SENP6: variants seen among roughly 807,000 people sequenced by gnomAD.
SENP6 encodes SUMO specific peptidase 6, also known as sentrin-specific protease 6.
SENP6 carries 41 observed loss-of-function variants against 134.5 expected under a neutral mutation model. The ratio of observed to expected loss-of-function variants is 0.30; its 90% CI spans 0.24 to 0.40. SENP6 has a LOEUF of 0.40. SENP6 is among the 10% of genes least tolerant of loss of function. SENP6 has a pLI of 1.00. For missense variants in SENP6, 1,248 were observed against 1,312.5 expected, an observed-to-expected ratio of 0.95 and a Z score of 0.76; for synonymous variants, 395 against 429.8, an observed-to-expected ratio of 0.92 and a Z score of 1.00.
intron 16 of SENP6, among the ~76,000 whole-genome samples, chr6:75,686,951 A>C (rs983292177): frequency 1.3e-5 from 2 of 152,174 alleles, no homozygotes; most frequent in African/African-American, 4.8e-5. Flanking sequence ...CTGCCTTGCT[A>C]GGCTGGGGAA....
chr6:75,667,823 A>C (rs964862821), intron 10 of SENP6, among the ~76,000 whole-genome samples: 1 of 152,218 alleles, frequency 6.6e-6, no homozygotes, highest in Non-Finnish European at 1.5e-5. Flanking sequence ...TGAAAAAGTT[A>C]AGGTATATCC....
At chr6:75,673,897 C>T (rs1180832367) in intron 11 of SENP6, among the ~76,000 whole-genome samples, 1 of 151,422 alleles carries the variant, frequency 6.6e-6, no homozygotes, top group Non-Finnish European at 1.5e-5. Flanking sequence ...GGCGTGCACC[C>T]GTAACCCCAG....
intron 1 of SENP6, 132 bp from the exon 2 acceptor site, chr6:75,621,400 A>G (rs1768257858): frequency 5.1e-6 from 3 of 593,710 alleles, no homozygotes; most frequent in Non-Finnish European, 9.0e-6. Flanking sequence ...TCAAATGTTT[A>G]CAAAAAATAG....
chr6:75,610,193 T>C (rs1327536406), intron 1 of SENP6, among the ~76,000 whole-genome samples: 1 of 152,226 alleles, frequency 6.6e-6, no homozygotes, highest in African/African-American at 2.4e-5. Flanking sequence ...TTCCTTCCTT[T>C]TGTTTTTTCT....
intron 16 of SENP6, chr6:75,679,156 A>G (rs1415018373): frequency 1.3e-5 from 5 of 371,470 alleles, no homozygotes; most frequent in African/African-American, 4.3e-5. Context: ...GCTTATGTCT[A>G]TAATCCTGAC....
intron 19 of SENP6, among the ~76,000 whole-genome samples, chr6:75,704,730 A>G (rs965557195): frequency 1.6e-4 from 24 of 152,182 alleles, no homozygotes; most frequent in Non-Finnish European, 2.1e-4. Flanking sequence ...TCACATGGGG[A>G]GAAACCTTGG....
Position 75,663,376 on chromosome 6 carries a change from A to G in SENP6, c.852A>G (p.Pro284=). The part of the protein sequence containing the change: ...KFYGNNVEKV[P]IDIIVNCDDS... ...ATGGCAACAATGTGGAAAAGGTTCC[A>G]ATTGATATTATTGTGAATTGTGATG... Residue 284 remains proline, a synonymous_variant, in exon 9 of 24, where the codon CCA becomes CCG. Transcript: ENST00000447266. 1 of 1,613,826 alleles carries G rather than the reference A, an allele frequency of 6.2e-7. No individual in the cohort carries two copies. The highest frequency in any genetic ancestry group is 8.5e-7 in the Non-Finnish European group (1 of 1,179,858).
intron 19 of SENP6, among the ~76,000 whole-genome samples, chr6:75,705,925 C>CGTTTTTTTTTT (rs1775371821): frequency 2.1e-5 from 1 of 47,942 alleles, no homozygotes; most frequent in African/African-American, 1.1e-4. Flanking sequence ...ATTTTTGAGC[C>CGTTTTTTTTTT]TTTTTTTTTT....
intron 17 of SENP6, among the ~76,000 whole-genome samples, chr6:75,696,143 AT>A (rs1199389929): frequency 4.6e-5 from 7 of 152,138 alleles, no homozygotes; most frequent in African/African-American, 1.2e-4. Flanking sequence ...TAGTTTTGGA[AT>A]TTTTTTTAAC....
At chr6:75,606,291 A>G (rs1347631425) in intron 1 of SENP6, among the ~76,000 whole-genome samples, 2 of 152,208 alleles carry the variant, frequency 1.3e-5, no homozygotes, top group Admixed American at 1.3e-4. Flanking sequence ...GATTTCATTA[A>G]GCCACAGCTT....
intron 5 of SENP6, among the ~76,000 whole-genome samples, chr6:75,637,798 G>A (rs1365186874): frequency 1.3e-5 from 2 of 152,114 alleles, no homozygotes; most frequent in Non-Finnish European, 2.9e-5. Flanking sequence ...TTCATAAATA[G>A]GAATATGGGC....
chr6:75,700,118 C>T (rs1774931101), intron 18 of SENP6, among the ~76,000 whole-genome samples: 1 of 151,954 alleles, frequency 6.6e-6, no homozygotes, highest in Non-Finnish European at 1.5e-5. Context: ...GCTGTGTTGC[C>T]CAGACTGGTC....
intron 7 of SENP6, among the ~76,000 whole-genome samples, chr6:75,648,041 C>A (rs1258311320): frequency 6.6e-6 from 1 of 152,134 alleles, no homozygotes; most frequent in Non-Finnish European, 1.5e-5. Flanking sequence ...TGCTATGTTA[C>A]AAATTTGCAA....
At chr6:75,611,858 A>G (rs1767475605) in intron 1 of SENP6, 1 of 152,206 alleles carries the variant, frequency 6.6e-6, no homozygotes, top group Non-Finnish European at 1.5e-5. Context: ...CTATGCTATC[A>G]TCTTGCTGAA....
chr6:75,634,599 T>C (rs1769360937), intron 4 of SENP6, 108 bp from the exon 5 acceptor site: 4 of 563,364 alleles, frequency 7.1e-6, no homozygotes, highest in South Asian at 2.9e-5. Context: ...TTTTTGTTGT[T>C]GTTGGTAAAG....
At chr6:75,610,837 A>G (rs1020845021) in intron 1 of SENP6, 2 of 152,196 alleles carry the variant, frequency 1.3e-5, no homozygotes, top group Admixed American at 1.3e-4. Flanking sequence ...GAGTTGCTAT[A>G]TCAAATACAT....
chr6:75,661,636 G>A (rs1040989326), intron 8 of SENP6, among the ~76,000 whole-genome samples: 7 of 152,142 alleles, frequency 4.6e-5, no homozygotes, highest in Non-Finnish European at 5.9e-5. Flanking sequence ...TTTCTTCTTA[G>A]TGGAGATAAA....
At chr6:75,669,546 T>C (rs1438019049) in intron 10 of SENP6, among the ~76,000 whole-genome samples, 1 of 152,114 alleles carries the variant, frequency 6.6e-6, no homozygotes, top group Non-Finnish European at 1.5e-5. Flanking sequence ...TGTCAAGATA[T>C]TGTTTTATTC....
At chr6:75,671,452 G>A (rs1418816173) in intron 11 of SENP6, among the ~76,000 whole-genome samples, 3 of 152,094 alleles carry the variant, frequency 2.0e-5, no homozygotes, top group East Asian at 1.9e-4. Context: ...TGCCGGGCGC[G>A]GTGTCTCACG....
Sources: gnomAD v4.1 joint callset for allele counts (sites outside exome capture counted in the v4.1 genomes callset) on GRCh38, gnomAD v4.1.1 for gene constraint, MANE v1.5 for transcripts, NCBI Gene and HGNC (gene_info 2026-07-23, HGNC 2026-07-21) for gene names.